Variants in ZBTB14 observed in about 807,000 individuals in gnomAD.
ZBTB14 encodes zinc finger and BTB domain containing 14, also known as zinc finger and BTB domain-containing protein 14.
A neutral mutation model predicts 29.5 loss-of-function variants in ZBTB14; 8 were observed. The ratio of observed to expected loss-of-function variants is 0.27; its 90% CI spans 0.16 to 0.49. The LOEUF is 0.49. ZBTB14 is among the 20% of genes least tolerant of loss of function. The pLI, the probability that ZBTB14 is intolerant of heterozygous loss-of-function variation, is 0.99. For synonymous variants in ZBTB14, 226 were observed against 207.2 expected (o/e 1.09, Z -0.78); for missense variants, 333 against 563.8 (o/e 0.59, Z 4.15).
rs1200137963 is a variant in ZBTB14 at position 5,289,147 on chromosome 18, T to A, written c.*1711A>T. On this transcript the variant is annotated 3_prime_UTR_variant, in exon 4 of 4. Coordinates refer to ENST00000651870, the MANE Select transcript of ZBTB14 (RefSeq NM_001243702.2). ...GGTTAAAACAGCCTAGGAACGGCAA[T>A]CAGTTCCCCTTCTATAAGTAGCATA... is the stretch of plus-strand genomic sequence containing the variant. 6.6e-6 allele frequency: 1 copy of A among 152,220 alleles called. No individual in the cohort carries two copies. Among genetic ancestry groups the A allele is most frequent in the East Asian group, 1.9e-4 (1 of 5,204 alleles). The allele number at this position is 152,220 out of a possible 1,614,324, so 9.4% of individuals were successfully genotyped here.
rs533849192 is a variant in ZBTB14 at position 5,290,050 on chromosome 18, T to A, written c.*808A>T. 150 of 152,348 alleles carry A rather than the reference T, an allele frequency of 9.8e-4. No homozygotes were observed. Among genetic ancestry groups the A allele is most frequent in the African/African-American group, 3.4e-3 (143 of 41,576 alleles). 9.4% of individuals were successfully genotyped at this position (152,348 alleles called of 1,614,324 possible). ...GGATTGTTACACATGTAAAAAACCT[T>A]ATCTCTGAGAGCCTTTTCTATTCTT... On this transcript the variant is annotated 3_prime_UTR_variant, in exon 4 of 4. Coordinates refer to ENST00000651870, the MANE Select transcript of ZBTB14 (RefSeq NM_001243702.2).
chr18:5,294,082 T>C (rs752007252), intron 1 of ZBTB14, 81 bp from the exon 2 acceptor site: 14 of 152,288 alleles, frequency 9.2e-5, no homozygotes, highest in Non-Finnish European at 1.6e-4. Context: ...AGGACTGGGC[T>C]GTAACAGTCT....
rs1387938577 is a variant in ZBTB14, at chr18:5,289,886, C to A, written c.*972G>T. 1 of 152,378 alleles carries A rather than the reference C, an allele frequency of 6.6e-6. No individual in the cohort carries two copies. The highest frequency in any genetic ancestry group is 1.5e-5 in the Non-Finnish European group (1 of 68,022). 9.4% of individuals were successfully genotyped at this position (152,378 alleles called of 1,614,324 possible). ...TCCTTTATGGATAAATCATGTGCCCCACAGAGCCCCAAAGCTTGATGACAT... is the reference window on the plus strand; with the variant it reads ...TCCTTTATGGATAAATCATGTGCCCAACAGAGCCCCAAAGCTTGATGACAT... On this transcript the variant is annotated 3_prime_UTR_variant, in exon 4 of 4. Coordinates refer to ENST00000651870, the MANE Select transcript of ZBTB14 (RefSeq NM_001243702.2).
intron 2 of ZBTB14, chr18:5,293,543 G>T: frequency 3.2e-6 from 1 of 314,602 alleles, no homozygotes; most frequent in Non-Finnish European, 5.9e-6. Flanking sequence ...GCATAAAGGG[G>T]CTGTGCCCTA....
At chr18:5,295,091 G>GAA (rs1182051610) in intron 1 of ZBTB14, among the ~76,000 whole-genome samples, 5 of 151,064 alleles carry the variant, frequency 3.3e-5, no homozygotes, top group Non-Finnish European at 7.4e-5. Flanking sequence ...CGCAGGCTTG[G>GAA]GACCGCGGCT....
At chr18:5,295,316 C>T (rs2071927327) in intron 1 of ZBTB14, among the ~76,000 whole-genome samples, 1 of 144,510 alleles carries the variant, frequency 6.9e-6, no homozygotes, top group African/African-American at 2.5e-5. Flanking sequence ...GGCCGGCTAA[C>T]CCAAGCTCCG....
chr18:5,290,879 C>T lies in ZBTB14; in HGVS notation c.1329G>A (p.Leu443=). The T allele has an allele frequency of 1.2e-6, 2 of 1,614,186 alleles. No homozygotes were observed. Among genetic ancestry groups the T allele is most frequent in the Non-Finnish European group, 1.7e-6 (2 of 1,179,988 alleles). ...GCCTCTAGCTACAGGCTATCGTCTC[C>T]AGCTGCTGTTCTGCTTCCGCAGCCA... ...AAMAAEAEQQ[L]ETIACS Residue 443 remains leucine (L), a synonymous_variant, in exon 4 of 4, where the codon CTG becomes CTA. Coordinates refer to ENST00000651870, the MANE Select transcript of ZBTB14 (RefSeq NM_001243702.2).
chr18:5,291,117 T>A lies in ZBTB14; in HGVS notation c.1091A>T (p.His364Leu), dbSNP rs2071803377. The A allele has an allele frequency of 6.2e-7, 1 of 1,614,170 alleles. No individual in the cohort carries two copies. Among genetic ancestry groups the A allele is most frequent in the African/African-American group, 1.3e-5 (1 of 74,954 alleles). ...VHSNERPFAC[H>L]MCDKAFKHKS... ...GTGTTTGAAGGCTTTGTCACACATGTGGCACGCAAACGGTCTTTCATTACT... is the reference window on the plus strand; with the variant it reads ...GTGTTTGAAGGCTTTGTCACACATGAGGCACGCAAACGGTCTTTCATTACT... The change falls in exon 4 of 4, where the codon CAC becomes CTC. Residue 364 changes from histidine (H) to leucine (L), a missense_variant. His to Leu is a moderately conservative substitution (Grantham distance 99). Transcript: ENST00000651870. This position sits in a 1 kb window ranked among gnomAD's most constrained non-coding sequence, Gnocchi z 5.8.
rs528888462 is a variant in ZBTB14 at position 5,293,183 on chromosome 18, A to G, written c.3+61T>C. ...TCATGCACAATCAGAATTGGTATAT[A>G]TATTTTAAAGCAAATGCCAAGTCAT... On this transcript the variant is annotated intron_variant, in intron 3 of 3. Transcript: ENST00000651870. 5.7e-6 allele frequency: 9 copies of G among 1,578,626 alleles called. No individual in the cohort carries two copies. The East Asian group carries it at 1.3e-4, about 24-fold the overall frequency.
At chr18:5,295,529 G>A (rs987088097) in intron 1 of ZBTB14, 123 bp downstream of exon 1, 1 of 144,218 alleles carries the variant, frequency 6.9e-6, no homozygotes, top group African/African-American at 2.5e-5. Flanking sequence ...CCGAGGCTCT[G>A]CGAGCGCGCG....
At chr18:5,295,105 A>G (rs916667415) in intron 1 of ZBTB14, among the ~76,000 whole-genome samples, 4 of 150,206 alleles carry the variant, frequency 2.7e-5, no homozygotes, top group Non-Finnish European at 5.9e-5. Flanking sequence ...CGCGGCTCGG[A>G]GCGCGCAGGG....
At chr18:5,295,863 A>C (rs1354915018), upstream of ZBTB14, 1 of 151,204 alleles carries the variant, frequency 6.6e-6, no homozygotes, top group East Asian at 2.0e-4. Context: ...CGCGCTCGCT[A>C]GCAAACGCAG....
upstream of ZBTB14, chr18:5,296,215 C>T (rs1001845348): frequency 6.6e-6 from 1 of 151,104 alleles, no homozygotes; most frequent in African/African-American, 2.4e-5. Flanking sequence ...CCCGGAGGGC[C>T]CTGGCCTGCG....
Position 5,293,333 on chromosome 18 carries a change from G to C in ZBTB14, c.-81-6C>G. 7.2e-7 allele frequency: 1 copy of C among 1,383,136 alleles called. No individual in the cohort carries two copies. Among genetic ancestry groups the C allele is most frequent in the Non-Finnish European group, 1.0e-6 (1 of 999,110 alleles). The allele number at this position is 1,383,136 out of a possible 1,614,324, so 85.7% of individuals were successfully genotyped here. A position where few individuals can be genotyped will look rare whatever the true frequency, so the allele number is the denominator to read the frequency against. Reference sequence around the variant, plus strand: ...TGATCAGGAGCACGCCAGACCTACAGAGGAAAGGATAAACAAGAATGAGGT... The same window carrying C: ...TGATCAGGAGCACGCCAGACCTACACAGGAAAGGATAAACAAGAATGAGGT... On this transcript the variant is annotated splice_region_variant and splice_polypyrimidine_tract_variant and intron_variant, in intron 2 of 3. Transcript: ENST00000651870.
rs1200424366 is a variant in ZBTB14 at position 5,289,387 on chromosome 18, A to T, written c.*1471T>A. On this transcript the variant is annotated 3_prime_UTR_variant, in exon 4 of 4. Coordinates refer to ENST00000651870, the MANE Select transcript of ZBTB14 (RefSeq NM_001243702.2). The stretch of plus-strand genomic sequence containing the variant: ...GTTAATGCAACAAGCTATGAAGTGA[A>T]ATTACTTTAATTTTTTTAAAAGAAA... The T allele has an allele frequency of 2.0e-5, 3 of 152,232 alleles. No individual in the cohort carries two copies. The highest frequency in any genetic ancestry group is 7.2e-5 in the African/African-American group (3 of 41,464). 9.4% of individuals were successfully genotyped at this position (152,232 alleles called of 1,614,324 possible).
chr18:5,293,274 C>G lies in ZBTB14; in HGVS notation c.-28G>C. Reference sequence around the variant, plus strand: ...ACAACTCAGGCTATTATCTTAATGCCTTGAACGCCAAAATCTTCAGATCAG... The same window carrying G: ...ACAACTCAGGCTATTATCTTAATGCGTTGAACGCCAAAATCTTCAGATCAG... On this transcript the variant is annotated 5_prime_UTR_variant, in exon 3 of 4. Transcript: ENST00000651870. 5 of 1,612,692 alleles carry G rather than the reference C, an allele frequency of 3.1e-6. No homozygotes were observed. The highest frequency in any genetic ancestry group is 4.2e-6 in the Non-Finnish European group (5 of 1,179,338).
chr18:5,296,855 C>G (rs2071978621), upstream of ZBTB14, among the ~76,000 whole-genome samples: 1 of 132,340 alleles, frequency 7.6e-6, no homozygotes, highest in African/African-American at 2.8e-5. Context: ...ATTCGGAGAG[C>G]TCTGATAACT....
rs779305024 is a variant in ZBTB14, at chr18:5,291,254, G to A, written c.954C>T (p.Ala318=). 1 of 1,614,182 alleles carries A rather than the reference G, an allele frequency of 6.2e-7. No individual in the cohort carries two copies. Among genetic ancestry groups the A allele is most frequent in the Non-Finnish European group, 8.5e-7 (1 of 1,180,036 alleles). ...GGATTTTTAGGTGTTCTTTCAGGTG[G>A]GCCTGTGTGGTGAAACCTTTTGTGC... is the stretch of plus-strand genomic sequence containing the variant. The part of the protein sequence containing the change: ...EMCTKGFTTQ[A]HLKEHLKIHT... The change falls in exon 4 of 4, where the codon GCC becomes GCT. Residue 318 remains alanine (A), a synonymous_variant. Transcript: ENST00000651870. This position sits in a 1 kb window ranked among gnomAD's most constrained non-coding sequence, Gnocchi z 5.8.
intron 1 of ZBTB14, among the ~76,000 whole-genome samples, chr18:5,295,072 G>A (rs2071916040): frequency 6.6e-6 from 1 of 151,634 alleles, no homozygotes; most frequent in Non-Finnish European, 1.5e-5. Flanking sequence ...TTCATAATCA[G>A]ACGTCGAGCG....
Sources: gnomAD v4.1 joint callset for allele counts (sites outside exome capture counted in the v4.1 genomes callset) on GRCh38, gnomAD v4.1.1 for gene constraint, Gnocchi (gnomAD v3.1) non-coding constraint, MANE v1.5 for transcripts, NCBI Gene and HGNC (gene_info 2026-07-23, HGNC 2026-07-21) for gene names.